Variants in RANBP2 observed in about 807,000 individuals in gnomAD.
RANBP2 encodes the protein RAN binding protein 2, also known as E3 SUMO-protein ligase RanBP2.
RANBP2 carries 57 observed loss-of-function variants against 303.6 expected under a neutral mutation model. The observed-to-expected ratio is 0.19, with a 90% CI of 0.15 to 0.23. The LOEUF is 0.23. Among genes scored for constraint, RANBP2 ranks in the 10% least tolerant of loss-of-function variants. The pLI is 1.00. For missense variants in RANBP2, 3,138 were observed against 3,780.8 expected (o/e 0.83, Z 4.46); for synonymous variants, 1,167 against 1,301.5 (o/e 0.90, Z 2.23).
At chr2:109,557,182 TA>T in the RANBP2 span, among the ~76,000 whole-genome samples, 4 of 151,942 alleles carry the variant, frequency 2.6e-5, no homozygotes, top group East Asian at 1.9e-4. Context: ...AAAAAAAATT[TA>T]AAAAAAATTA....
At chr2:109,720,621 C>T in the RANBP2 span, among the ~76,000 whole-genome samples, 2 of 152,098 alleles carry the variant, frequency 1.3e-5, no homozygotes, top group African/African-American at 4.8e-5. Flanking sequence ...CTTGGTGTGC[C>T]AAATGTAAAT....
chr2:109,618,707 C>T, the RANBP2 span: 1 of 167,024 alleles, frequency 6.0e-6, no homozygotes. Context: ...ATGTCAGATA[C>T]TTAGATGTTT....
the RANBP2 span, among the ~76,000 whole-genome samples, chr2:109,381,002 G>A: frequency 2.0e-5 from 3 of 152,226 alleles, no homozygotes; most frequent in Non-Finnish European, 4.4e-5. Flanking sequence ...AACTAAAATG[G>A]ACTACCTGTG....
At chr2:109,554,979 C>T in the RANBP2 span, among the ~76,000 whole-genome samples, 144 of 152,244 alleles carry the variant, frequency 9.5e-4, 1 homozygote, top group African/African-American at 3.4e-3. Context: ...GCTAAGTCTC[C>T]TAATATAACC....
At chr2:109,357,700 G>A in the RANBP2 span, among the ~76,000 whole-genome samples, 1 of 152,120 alleles carries the variant, frequency 6.6e-6, no homozygotes, top group Non-Finnish European at 1.5e-5. Context: ...TTGTTGTAGG[G>A]CACTGTAGTT....
At chr2:109,257,139 C>T in the RANBP2 span, among the ~76,000 whole-genome samples, 14 of 152,266 alleles carry the variant, frequency 9.2e-5, no homozygotes, top group East Asian at 1.7e-3. Flanking sequence ...ACTCTGCAGC[C>T]GACATTCACT....
At chr2:108,739,808 A>G (rs1459809592) in intron 6 of RANBP2, among the ~76,000 whole-genome samples, 1 of 152,154 alleles carries the variant, frequency 6.6e-6, no homozygotes, top group African/African-American at 2.4e-5. Context: ...ACGTAGTGAA[A>G]CCCTGTCTCT....
chr2:108,978,767 G>C, the RANBP2 span, among the ~76,000 whole-genome samples: 1 of 152,156 alleles, frequency 6.6e-6, no homozygotes, highest in Non-Finnish European at 1.5e-5. Context: ...ACAGTCTATC[G>C]GTAAGCTGGA....
At chr2:109,427,934 A>G in the RANBP2 span, among the ~76,000 whole-genome samples, 1 of 152,198 alleles carries the variant, frequency 6.6e-6, no homozygotes, top group Non-Finnish European at 1.5e-5. Context: ...CGCTCCTCTG[A>G]GCATCTGCAC....
the RANBP2 span, among the ~76,000 whole-genome samples, chr2:109,212,299 C>T: frequency 1.3e-5 from 2 of 152,118 alleles, no homozygotes; most frequent in Non-Finnish European, 2.9e-5. Flanking sequence ...TCAGTTGGCT[C>T]GCTATGGAGG....
At chr2:109,292,720 G>A in the RANBP2 span, among the ~76,000 whole-genome samples, 9 of 152,132 alleles carry the variant, frequency 5.9e-5, no homozygotes, top group African/African-American at 2.2e-4. Context: ...ACAGCAATTT[G>A]ACATGTATTT....
At chr2:109,400,019 AG>A in the RANBP2 span, among the ~76,000 whole-genome samples, 2,749 of 152,346 alleles carry the variant, frequency 0.018, 97 homozygotes, top group African/African-American at 0.063. Flanking sequence ...CCTCAGAGCA[AG>A]GGCGCTGATC....
chr2:108,826,786 C>G, the RANBP2 span, among the ~76,000 whole-genome samples: 1 of 152,164 alleles, frequency 6.6e-6, no homozygotes, highest in African/African-American at 2.4e-5. Flanking sequence ...AAGAAACCAG[C>G]TGGGATTTTG....
chr2:109,526,363 A>G, the RANBP2 span, among the ~76,000 whole-genome samples: 1 of 152,118 alleles, frequency 6.6e-6, no homozygotes, highest in Non-Finnish European at 1.5e-5. Context: ...GCTGGAGTGC[A>G]GTGGTCTGAT....
the RANBP2 span, among the ~76,000 whole-genome samples, chr2:109,410,142 T>C: frequency 6.6e-6 from 1 of 152,190 alleles, no homozygotes; most frequent in African/African-American, 2.4e-5. Context: ...TAGTGTCTGG[T>C]TACAACCTGG....
chr2:109,407,954 T>G, the RANBP2 span, among the ~76,000 whole-genome samples: 2 of 152,158 alleles, frequency 1.3e-5, no homozygotes, highest in Non-Finnish European at 2.9e-5. Flanking sequence ...TTTCTTTTGC[T>G]GCTATGACGA....
At chr2:108,819,462 C>T in the RANBP2 span, among the ~76,000 whole-genome samples, 1 of 152,190 alleles carries the variant, frequency 6.6e-6, no homozygotes, top group Admixed American at 6.5e-5. Flanking sequence ...AGTTTGGAAG[C>T]TGCAGGAAAC....
the RANBP2 span, among the ~76,000 whole-genome samples, chr2:109,219,988 A>G: frequency 6.6e-6 from 1 of 152,238 alleles, no homozygotes; most frequent in Non-Finnish European, 1.5e-5. Flanking sequence ...GAAAAGGAGG[A>G]GCAAAGTTGG....
At chr2:109,472,169 A>T in the RANBP2 span, among the ~76,000 whole-genome samples, 1 of 152,236 alleles carries the variant, frequency 6.6e-6, no homozygotes. Flanking sequence ...GCAGCTCCTT[A>T]TAGAAATGTA....
Sources: gnomAD v4.1 joint callset for allele counts (sites outside exome capture counted in the v4.1 genomes callset) on GRCh38, gnomAD v4.1.1 for gene constraint, MANE v1.5 for transcripts, NCBI Gene and HGNC (gene_info 2026-07-23, HGNC 2026-07-21) for gene names.